TNS1: variants seen among roughly 807,000 people sequenced by gnomAD.
TNS1 encodes the protein tensin-1.
Under a neutral mutation model 168.6 loss-of-function variants are expected in TNS1, and 62 were observed. The ratio of observed to expected loss-of-function variants is 0.37; its 90% CI spans 0.30 to 0.45. The LOEUF is 0.45. Ranked by LOEUF, TNS1 falls within the 20% of genes least tolerant of loss-of-function variation. TNS1 has a pLI of 1.00. For missense variants in TNS1, 2,240 were observed against 2,339.4 expected (o/e 0.96, Z 0.88); for synonymous variants, 934 against 933.2 (o/e 1.00, Z -0.02).
chr2:217,942,470 G>A (rs1956961913), intron 3 of TNS1, among the ~76,000 whole-genome samples: 1 of 152,162 alleles, frequency 6.6e-6, no homozygotes, highest in Admixed American at 6.5e-5. Flanking sequence ...TGGGCCAGAG[G>A]TTTCAGGCAA....
chr2:217,962,440 T>A (rs760859649), intron 3 of TNS1, among the ~76,000 whole-genome samples: 1 of 151,940 alleles, frequency 6.6e-6, no homozygotes, highest in Non-Finnish European at 1.5e-5. Flanking sequence ...CGAAACTCCA[T>A]CTCAAAAAGA....
chr2:217,939,358 C>T (rs1477069695), intron 3 of TNS1, among the ~76,000 whole-genome samples: 1 of 152,218 alleles, frequency 6.6e-6, no homozygotes. Context: ...AACCCTCACC[C>T]CTCTGCCCTC....
At chr2:217,920,135 C>T (rs1423469187) in intron 4 of TNS1, 60 bp downstream of exon 4, 1 of 702,760 alleles carries the variant, frequency 1.4e-6, no homozygotes, top group Non-Finnish European at 2.6e-6. Flanking sequence ...AAAGCTGCAG[C>T]TGGGAGCTGC....
chr2:217,966,250 G>A (rs1237744029), intron 3 of TNS1, among the ~76,000 whole-genome samples: 3 of 150,786 alleles, frequency 2.0e-5, no homozygotes, highest in South Asian at 2.1e-4. Flanking sequence ...GCCCCTCCCT[G>A]CTATGGGGAG....
chr2:217,825,739 C>T (rs960578430), intron 22 of TNS1, among the ~76,000 whole-genome samples: 15 of 152,158 alleles, frequency 9.9e-5, no homozygotes, highest in African/African-American at 2.7e-4. Flanking sequence ...AACACAGGCA[C>T]CTGAGCTGCA....
chr2:217,849,016 G>A lies in TNS1; in HGVS notation c.1501C>T (p.His501Tyr). The change falls in exon 19 of 33, where the codon CAC (histidine) becomes TAC (tyrosine). Residue 501 changes from histidine (H) to tyrosine (Y), a missense_variant. This residue lies in a region of TNS1 where 2,131 missense variants were observed against 2,171.2 expected (regional missense o/e 0.98). Coordinates refer to ENST00000682258, the MANE Select transcript of TNS1 (RefSeq NM_001387777.1). ...GCATTAACAGCCCCGGTGCTGCCGT[G>A]CAGGGAGTCTTTCTTCTTCACCTTA... Reference protein sequence around the residue: ...YAKVKKKDSLHGSTGAVNATR... With the variant: ...YAKVKKKDSLYGSTGAVNATR... 1 of 1,614,066 alleles carries A rather than the reference G, an allele frequency of 6.2e-7. No homozygotes were observed. Among genetic ancestry groups the A allele is most frequent in the Non-Finnish European group, 8.5e-7 (1 of 1,180,010 alleles).
At chr2:218,023,035 A>C (rs1273831308) in intron 1 of TNS1, among the ~76,000 whole-genome samples, 1 of 152,224 alleles carries the variant, frequency 6.6e-6, no homozygotes, top group Non-Finnish European at 1.5e-5. Context: ...TCTGGCTGGA[A>C]GAAGGGCCAG....
At chr2:217,887,759 T>C (rs971568791) in intron 12 of TNS1, among the ~76,000 whole-genome samples, 2 of 152,080 alleles carry the variant, frequency 1.3e-5, no homozygotes. Flanking sequence ...TGGAAGTGGA[T>C]GGGGAGAGCA....
upstream of TNS1, among the ~76,000 whole-genome samples, chr2:218,014,866 A>AGGAT (rs773920933): frequency 1.0e-5 from 1 of 97,414 alleles, no homozygotes; most frequent in East Asian, 4.4e-4. Flanking sequence ...GAGGGAAGGA[A>AGGAT]GGACGGAAGG....
intron 2 of TNS1, among the ~76,000 whole-genome samples, chr2:217,980,260 A>C (rs1030952708): frequency 5.7e-4 from 86 of 152,208 alleles, no homozygotes; most frequent in Non-Finnish European, 2.5e-4. Context: ...TGGCCACAGC[A>C]GGACATACTC....
chr2:217,868,845 C>T (rs777541588), intron 18 of TNS1, among the ~76,000 whole-genome samples: 6 of 152,244 alleles, frequency 3.9e-5, no homozygotes, highest in Admixed American at 1.3e-4. Flanking sequence ...CTCCCAAGGA[C>T]GTGGGTTCCA....
chr2:217,841,207 G>A (rs1945903888), intron 19 of TNS1: 1 of 984,884 alleles, frequency 1.0e-6, no homozygotes, highest in Non-Finnish European at 1.2e-6. Context: ...ACCAGAGAGG[G>A]AGGAAGATTG....
chr2:217,906,471 T>C, intron 5 of TNS1, 86 bp from the exon 6 acceptor site: 1 of 694,944 alleles, frequency 1.4e-6, no homozygotes, highest in East Asian at 2.7e-5. Context: ...GAGCGGCAGA[T>C]GAGGAGGTTG....
At chr2:217,884,519 T>G (rs964021643) in intron 16 of TNS1, among the ~76,000 whole-genome samples, 10 of 152,154 alleles carry the variant, frequency 6.6e-5, no homozygotes, top group Admixed American at 2.0e-4. Flanking sequence ...TGGTTCCCCC[T>G]TGCTGCTGCC....
chr2:217,871,068 C>A (rs1219689934), intron 18 of TNS1, among the ~76,000 whole-genome samples: 1 of 152,140 alleles, frequency 6.6e-6, no homozygotes, highest in Non-Finnish European at 1.5e-5. Context: ...TCTATGCAGA[C>A]CAGCACACAC....
intron 18 of TNS1, among the ~76,000 whole-genome samples, chr2:217,864,788 T>C (rs569661342): frequency 7.2e-5 from 11 of 152,168 alleles, no homozygotes; most frequent in Non-Finnish European, 1.3e-4. Context: ...GCAAGTGAGG[T>C]CAATCACTAT....
upstream of TNS1, among the ~76,000 whole-genome samples, chr2:218,011,735 A>T (rs1036774744): frequency 3.3e-5 from 5 of 151,640 alleles, no homozygotes; most frequent in Non-Finnish European, 7.4e-5. Flanking sequence ...TCCCCATTGC[A>T]GCTCCCCACC....
At chr2:217,921,840 A>G (rs1185171196) in intron 3 of TNS1, among the ~76,000 whole-genome samples, 1 of 152,218 alleles carries the variant, frequency 6.6e-6, no homozygotes, top group African/African-American at 2.4e-5. Flanking sequence ...TCCTTTCAAT[A>G]ACCCAGTAAG....
intron 4 of TNS1, among the ~76,000 whole-genome samples, chr2:217,916,594 C>A (rs562551727): frequency 6.6e-6 from 1 of 151,884 alleles, no homozygotes; most frequent in Non-Finnish European, 1.5e-5. Flanking sequence ...CATCCTGCCC[C>A]ACCAGTGCCC....
Sources: gnomAD v4.1 joint callset for allele counts (sites outside exome capture counted in the v4.1 genomes callset) on GRCh38, gnomAD v4.1.1 for gene constraint, gnomAD v4.1.1 regional missense constraint, MANE v1.5 for transcripts, NCBI Gene and HGNC (gene_info 2026-07-23, HGNC 2026-07-21) for gene names.